The following VPS11 variants were observed in gnomAD, a reference collection of about 807,000 sequenced individuals.
VPS11 encodes the protein vacuolar protein sorting-associated protein 11 homolog.
Under a neutral mutation model 106.8 loss-of-function variants are expected in VPS11, and 51 were observed. The ratio of observed to expected loss-of-function variants is 0.48; its 90% CI spans 0.38 to 0.60. The LOEUF is 0.60. Ranked by LOEUF, VPS11 falls within the 20% of genes least tolerant of loss-of-function variation. The probability of loss-of-function intolerance (pLI) is 0.00; values close to 1 mark genes in which losing one functional copy is unlikely to be tolerated. For missense variants in VPS11, 950 were observed against 1,190.0 expected (o/e 0.80, Z 2.97); for synonymous variants, 453 against 458.7 (o/e 0.99, Z 0.16).
At chr11:119,075,318 T>C (rs1019852312) in intron 7 of VPS11, among the ~76,000 whole-genome samples, 5 of 151,974 alleles carry the variant, frequency 3.3e-5, no homozygotes, top group African/African-American at 1.2e-4. Flanking sequence ...CCTGTGATCC[T>C]ATCCCTTTGG....
chr11:119,073,668 G>A (rs782807351), intron 6 of VPS11, 132 bp from the exon 7 acceptor site: 2 of 1,024,360 alleles, frequency 2.0e-6, no homozygotes, highest in Non-Finnish European at 2.8e-6. Flanking sequence ...ATATCTGGTA[G>A]CTCTTGGTTT....
At position 119,077,991 on chromosome 11, in the gene VPS11, G is replaced by C; in HGVS notation, c.1686G>C (p.Gln562His). Residue 562 changes from glutamine to histidine, a missense_variant, in exon 10 of 16, where the codon CAG becomes CAC. Gln to His is a conservative substitution (Grantham distance 24). Around this residue, in one of 3 missense-constraint regions of VPS11, gnomAD observed 453 missense variants for 514.6 expected, o/e 0.88. Coordinates refer to ENST00000621676, the MANE Select transcript of VPS11 (RefSeq NM_021729.6). ...LMHHIPEQTT[Q>H]LLKGLCTDYR... is the part of the protein sequence containing the mutation. ...ACCACATACCAGAGCAGACAACTCA[G>C]TTGCTGAAGGGACTTTGTACTGATT... 1 of 1,613,846 alleles carries C rather than the reference G, an allele frequency of 6.2e-7. No individual in the cohort carries two copies. The highest frequency in any genetic ancestry group is 1.7e-5 in the Admixed American group (1 of 60,026).
At chr11:119,076,809 T>C in intron 7 of VPS11, 88 bp from the exon 8 acceptor site, 1 of 1,475,566 alleles carries the variant, frequency 6.8e-7, no homozygotes, top group Non-Finnish European at 9.3e-7. Context: ...AGAATTTGCA[T>C]TTTGAGAAGA....
rs1016239987 is a variant in VPS11 at position 119,069,101 on chromosome 11, A to C, written c.188-95A>C. 16 of 1,504,738 alleles carry C rather than the reference A, an allele frequency of 1.1e-5. No homozygotes were observed. In the African/African-American group the frequency reaches 1.7e-4, roughly 16 times the overall value. 93.2% of individuals were successfully genotyped at this position (1,504,738 alleles called of 1,614,324 possible). ...AAGGAGTATGTGGGAAAATCCTTGA[A>C]AATTTTAGAGTTATATACATGTAAT... On this transcript the variant is annotated intron_variant, in intron 1 of 15. Transcript: ENST00000621676.
intron 1 of VPS11, among the ~76,000 whole-genome samples, chr11:119,068,403 T>C (rs1945202828): frequency 6.6e-6 from 1 of 151,994 alleles, no homozygotes; most frequent in South Asian, 2.1e-4. Context: ...GTTTGTTGCT[T>C]TCATCTTCAT....
rs782454809 is a variant in VPS11, at chr11:119,078,040, A to G, written c.1735A>G (p.Ser579Gly). 1 of 1,611,942 alleles carries G rather than the reference A, an allele frequency of 6.2e-7. No individual in the cohort carries two copies. The highest frequency in any genetic ancestry group is 1.3e-5 in the African/African-American group (1 of 75,056). Reference protein sequence around the residue: ...TDYRPSLEGRSDREAPGCRAN... With the variant: ...TDYRPSLEGRGDREAPGCRAN... The stretch of plus-strand genomic sequence containing the variant: ...TTATCGGCCCAGCCTCGAAGGCCGC[A>G]GCGATAGGGAGGCCCCAGGCTGCAG... Residue 579 changes from serine (S) to glycine (G), a missense_variant, in exon 10 of 16, where the codon AGC becomes GGC. By Grantham distance (56) the Ser-to-Gly change is moderately conservative (BLOSUM62 0). Around this residue, in one of 3 missense-constraint regions of VPS11, gnomAD observed 453 missense variants for 514.6 expected, o/e 0.88. Transcript: ENST00000621676.
chr11:119,080,267 A>T (rs188448717), intron 14 of VPS11, among the ~76,000 whole-genome samples: 322 of 152,054 alleles, frequency 2.1e-3, no homozygotes, highest in South Asian at 5.0e-3. Flanking sequence ...TATGTTGGCC[A>T]GGCTGGTCTT....
chr11:119,074,186 A>G (rs981606359), intron 7 of VPS11, among the ~76,000 whole-genome samples: 2 of 151,936 alleles, frequency 1.3e-5, no homozygotes, highest in African/African-American at 4.8e-5. Context: ...CTGGGTTCAC[A>G]TGATTCTCCT....
rs375148472 is a variant in VPS11 at position 119,071,644 on chromosome 11, C to G, written c.685C>G (p.His229Asp). ...CTACCCTCGCGTGGAGTTGGACACC[C>G]ATGGTTGTGGCCTGCGCTGCTCAGC... ...KDYPRVELDT[H>D]GCGLRCSALS... The change falls in exon 5 of 16, where the codon CAT becomes GAT. Residue 229 changes from histidine (H) to aspartate (D), a missense_variant. Around this residue, in one of 3 missense-constraint regions of VPS11, gnomAD observed 435 missense variants for 630.2 expected, o/e 0.69. Coordinates refer to ENST00000621676, the MANE Select transcript of VPS11 (RefSeq NM_021729.6). 1.5e-4 allele frequency: 249 copies of G among 1,613,896 alleles called. No homozygotes were observed. The highest frequency in any genetic ancestry group is 2.1e-4 in the Non-Finnish European group (244 of 1,179,906).
intron 7 of VPS11, 110 bp from the exon 8 acceptor site, chr11:119,076,787 A>G: frequency 7.8e-7 from 1 of 1,286,460 alleles, no homozygotes. Context: ...CCCACTCCAG[A>G]TCCACTGAAA....
intron 14 of VPS11, among the ~76,000 whole-genome samples, chr11:119,079,824 C>G (rs1308338822): frequency 1.3e-5 from 2 of 152,310 alleles, no homozygotes; most frequent in Non-Finnish European, 1.5e-5. Context: ...ATCCTCCGGC[C>G]TTGACCTCCC....
In VPS11 at chr11:119,070,403, A is replaced by T. The variant is rs781881442; in HGVS notation, c.636+6A>T. 6.2e-7 allele frequency: 1 copy of T among 1,608,354 alleles called. No individual in the cohort carries two copies. Among genetic ancestry groups the T allele is most frequent in the Admixed American group, 1.7e-5 (1 of 59,754 alleles). On this transcript the variant is annotated splice_donor_region_variant and intron_variant, in intron 4 of 15. Coordinates refer to ENST00000621676, the MANE Select transcript of VPS11 (RefSeq NM_021729.6). ...TGACAACAGAGAACGTCCAGGTATG[A>T]CCAAGGCCTCCACTCTTAGGAGCAG...
intron 14 of VPS11, among the ~76,000 whole-genome samples, chr11:119,080,266 C>T (rs1424071285): frequency 6.6e-6 from 1 of 151,908 alleles, no homozygotes; most frequent in African/African-American, 2.4e-5. Flanking sequence ...CTATGTTGGC[C>T]AGGCTGGTCT....
intron 1 of VPS11, among the ~76,000 whole-genome samples, 197 bp from the exon 2 acceptor site, chr11:119,068,999 C>CG (rs1555201670): frequency 3.2e-5 from 1 of 31,580 alleles, no homozygotes; most frequent in South Asian, 2.6e-3. Context: ...GATCCGCACC[C>CG]CCCCCCCCCC....
At chr11:119,074,099 T>C in intron 7 of VPS11, 148 bp downstream of exon 7, 1 of 1,071,382 alleles carries the variant, frequency 9.3e-7, no homozygotes, top group Non-Finnish European at 1.3e-6. Flanking sequence ...GTTAGTTTTT[T>C]TTTGAGATGG....
intron 1 of VPS11, among the ~76,000 whole-genome samples, chr11:119,068,677 ACCT>A (rs1945225743): frequency 6.6e-6 from 1 of 151,554 alleles, no homozygotes; most frequent in Non-Finnish European, 1.5e-5. Context: ...CGAACTCCTG[ACCT>A]CGTGATCCAC....
chr11:119,075,321 C>G (rs977915155), intron 7 of VPS11, among the ~76,000 whole-genome samples: 3 of 152,004 alleles, frequency 2.0e-5, no homozygotes, highest in Middle Eastern at 3.4e-3. Context: ...GTGATCCTAT[C>G]CCTTTGGGAG....
At position 119,078,711 on chromosome 11, in the gene VPS11, G is replaced by A; in HGVS notation, c.2063+7G>A. On this transcript the variant is annotated splice_region_variant and intron_variant, in intron 12 of 15. Coordinates refer to ENST00000621676, the MANE Select transcript of VPS11 (RefSeq NM_021729.6). ...TTTATGAGCAGGGGAAGCTGTAAGAGTTTGGGGAATTTCAGGGAAAGGGGA... is the reference window on the plus strand; with the variant it reads ...TTTATGAGCAGGGGAAGCTGTAAGAATTTGGGGAATTTCAGGGAAAGGGGA... The A allele has an allele frequency of 1.2e-6, 2 of 1,610,692 alleles. No homozygotes were observed. Among genetic ancestry groups the A allele is most frequent in the Non-Finnish European group, 8.5e-7 (1 of 1,177,860 alleles).
intron 14 of VPS11, among the ~76,000 whole-genome samples, chr11:119,079,653 G>A (rs1945775084): frequency 6.6e-6 from 1 of 152,166 alleles, no homozygotes; most frequent in African/African-American, 2.4e-5. Flanking sequence ...ACGGCTCACT[G>A]CAGCTTTGAT....
Sources: gnomAD v4.1 joint callset for allele counts (sites outside exome capture counted in the v4.1 genomes callset) on GRCh38, gnomAD v4.1.1 for gene constraint, gnomAD v4.1.1 regional missense constraint, MANE v1.5 for transcripts, NCBI Gene and HGNC (gene_info 2026-07-23, HGNC 2026-07-21) for gene names.